CCDC81: variants seen among roughly 807,000 people sequenced by gnomAD.
CCDC81 encodes the protein coiled-coil domain containing 81.
CCDC81 carries 79 observed loss-of-function variants against 83.7 expected under a neutral mutation model. That is an observed-to-expected ratio of 0.94 (90% CI 0.79 to 1.14). The LOEUF is 1.14. CCDC81 is among the 50% of genes most tolerant of loss of function. CCDC81 has a pLI of 0.00. For missense variants in CCDC81, 791 were observed against 778.1 expected, an observed-to-expected ratio of 1.02 and a Z score of -0.20; for synonymous variants, 252 against 278.1, an observed-to-expected ratio of 0.91 and a Z score of 0.93.
intron 3 of CCDC81, among the ~76,000 whole-genome samples, chr11:86,390,547 C>T (rs546346393): frequency 2.0e-5 from 3 of 152,150 alleles, no homozygotes; most frequent in Non-Finnish European, 4.4e-5. Context: ...TAGAAAGATA[C>T]TCTTTCAGTT....
rs766513360 is a variant in CCDC81, at chr11:86,412,424, C to T, written c.1256C>T (p.Ala419Val). The T allele has an allele frequency of 1.4e-5, 23 of 1,612,318 alleles. No individual in the cohort carries two copies. The Admixed American group carries it at 1.7e-4, about 12-fold the overall frequency. Residue 419 changes from alanine (A) to valine (V), a missense_variant, in exon 11 of 15, where the codon GCG becomes GTG. By Grantham distance (64) the Ala-to-Val change is moderately conservative. Coordinates refer to ENST00000445632, the MANE Select transcript of CCDC81 (RefSeq NM_001156474.2). ...TTTGACAAACGGCCACTCAGTCCTG[C>T]GCTTAATGCTCTTAAGCAAGAGGAA... ...FLFDKRPLSP[A>V]LNALKQEEYS...
chr11:86,422,452 A>G (rs1948805556), intron 14 of CCDC81, 122 bp from the exon 15 acceptor site: 1 of 807,798 alleles, frequency 1.2e-6, no homozygotes, highest in Admixed American at 2.3e-5. Flanking sequence ...GAACTGCAGC[A>G]TACAGGCAGA....
chr11:86,377,968 C>CTTGTTTTTTTTTT (rs1948120551), intron 1 of CCDC81, among the ~76,000 whole-genome samples: 1 of 73,348 alleles, frequency 1.4e-5, no homozygotes, highest in East Asian at 5.4e-4. Context: ...TGCCTAGGTT[C>CTTGTTTTTTTTTT]TTTTTTTTTT....
chr11:86,412,084 G>T (rs1245243012), intron 10 of CCDC81, among the ~76,000 whole-genome samples: 1 of 152,054 alleles, frequency 6.6e-6, no homozygotes, highest in Non-Finnish European at 1.5e-5. Context: ...TCATCTCCTT[G>T]GCTACAGCAC....
chr11:86,380,577 G>A (rs928311954), intron 1 of CCDC81, among the ~76,000 whole-genome samples: 1 of 151,680 alleles, frequency 6.6e-6, no homozygotes, highest in African/African-American at 2.4e-5. Flanking sequence ...CCCATTATGG[G>A]TACACACCTT....
intron 13 of CCDC81, among the ~76,000 whole-genome samples, chr11:86,417,736 T>G: frequency 6.6e-6 from 1 of 151,910 alleles, no homozygotes. Flanking sequence ...GTACGGTACA[T>G]CTAATTTTCC....
chr11:86,404,269 G>T (rs949662898), intron 7 of CCDC81, among the ~76,000 whole-genome samples: 2 of 152,132 alleles, frequency 1.3e-5, no homozygotes, highest in Non-Finnish European at 2.9e-5. Context: ...CAATATGGTG[G>T]TCTAAATAAT....
At position 86,418,105 on chromosome 11, in the gene CCDC81, A is replaced by G. The variant is rs117945553; in HGVS notation, c.1692-1823A>G. Among the ~76,000 whole-genome samples the G allele has an allele frequency of 6.6e-5, 10 of 152,324 alleles. No homozygotes were observed. In the East Asian group the frequency reaches 1.5e-3, roughly 23 times the overall value. ...AAAAAATAACATAATAATGGCCAAC[A>G]AGCAAATGAAAAAATGATTAACACC... On this transcript the variant is annotated intron_variant, in intron 13 of 14. Coordinates refer to ENST00000445632, the MANE Select transcript of CCDC81 (RefSeq NM_001156474.2).
At chr11:86,393,921 A>G (rs1025970158) in intron 4 of CCDC81, among the ~76,000 whole-genome samples, 9 of 152,220 alleles carry the variant, frequency 5.9e-5, no homozygotes, top group Non-Finnish European at 1.3e-4. Context: ...TGAAAAGGCT[A>G]TTAATATCAT....
chr11:86,407,007 T>C (rs940378321), intron 7 of CCDC81, among the ~76,000 whole-genome samples: 2 of 150,252 alleles, frequency 1.3e-5, no homozygotes, highest in African/African-American at 4.9e-5. Context: ...TTGCTTGGAA[T>C]GTCTTTTCCA....
chr11:86,398,858 C>A (rs12292316), intron 6 of CCDC81, among the ~76,000 whole-genome samples: 13,355 of 152,232 alleles, frequency 0.088, 1,121 homozygotes, highest in African/African-American at 0.22. Context: ...CAGGTGGGAG[C>A]CACCACACGC....
chr11:86,395,447 C>G (rs746618488), intron 5 of CCDC81, 34 bp downstream of exon 5: 1 of 1,541,254 alleles, frequency 6.5e-7, no homozygotes, highest in South Asian at 1.1e-5. Flanking sequence ...CCTCTAGGCA[C>G]TAGCACTCCT....
chr11:86,417,541 C>A (rs1416228033), intron 13 of CCDC81, among the ~76,000 whole-genome samples: 2 of 151,892 alleles, frequency 1.3e-5, no homozygotes, highest in African/African-American at 4.8e-5. Flanking sequence ...ATATGAGATT[C>A]ATTCTTCTTT....
rs893246572 is a variant in CCDC81 at position 86,405,662 on chromosome 11, A to C, written c.882-1952A>C. Among the ~76,000 whole-genome samples the C allele has an allele frequency of 2.0e-5, 3 of 152,178 alleles. No homozygotes were observed. The East Asian group carries it at 5.8e-4, about 29-fold the overall frequency. On this transcript the variant is annotated intron_variant, in intron 7 of 14. Coordinates refer to ENST00000445632, the MANE Select transcript of CCDC81 (RefSeq NM_001156474.2). ...CCAAACCTGTATTTTTTTTGTCTAG[A>C]ACTTTTGTTCCAATTTGGTTTTAAG...
At chr11:86,391,284 A>C (rs1948325730) in intron 3 of CCDC81, among the ~76,000 whole-genome samples, 1 of 152,240 alleles carries the variant, frequency 6.6e-6, no homozygotes, top group Non-Finnish European at 1.5e-5. Flanking sequence ...AGGCTGATGC[A>C]GTGAAGCTCA....
intron 1 of CCDC81, among the ~76,000 whole-genome samples, chr11:86,383,749 G>A (rs185525888): frequency 3.3e-5 from 5 of 152,248 alleles, no homozygotes; most frequent in South Asian, 2.1e-4. Context: ...GTCAGAAAAC[G>A]TCAAATTTAG....
rs556217019 is a variant in CCDC81 at position 86,419,802 on chromosome 11, A to G, written c.1692-126A>G. 1.0e-5 allele frequency: 9 copies of G among 883,154 alleles called. No individual in the cohort carries two copies. In the South Asian group the frequency reaches 1.9e-4, roughly 19 times the overall value. 54.7% of individuals were successfully genotyped at this position (883,154 alleles called of 1,614,324 possible). ...TGCTTTTACAGTGTTCATGCTTTTT[A>G]GTATATTTCAGAGTAGTGAACAAAA... is the stretch of plus-strand genomic sequence containing the variant. On this transcript the variant is annotated intron_variant, in intron 13 of 14. Coordinates refer to ENST00000445632, the MANE Select transcript of CCDC81 (RefSeq NM_001156474.2).
rs992767498 is a variant in CCDC81 at position 86,382,489 on chromosome 11, C to A, written c.80-3562C>A. ...TGGTGCCATTCACTGAGACCGAAAT[C>A]CTGGATAAAAGACAAGATTTAAGAG... On this transcript the variant is annotated intron_variant, in intron 1 of 14. Coordinates refer to ENST00000445632, the MANE Select transcript of CCDC81 (RefSeq NM_001156474.2). Among the ~76,000 whole-genome samples the A allele has an allele frequency of 3.9e-5, 6 of 152,154 alleles. No individual in the cohort carries two copies. The East Asian group carries it at 1.2e-3, about 29-fold the overall frequency.
rs1227403210 is a variant in CCDC81 at position 86,386,037 on chromosome 11, C to T, written c.80-14C>T. ...ATATAAATTGAATAATTTCTGGTTACTTTTGAATTTCAGAAGTCTCTATTA... is the reference window on the plus strand; with the variant it reads ...ATATAAATTGAATAATTTCTGGTTATTTTTGAATTTCAGAAGTCTCTATTA... On this transcript the variant is annotated splice_polypyrimidine_tract_variant and intron_variant, in intron 1 of 14. Transcript: ENST00000445632. 2 of 1,469,566 alleles carry T rather than the reference C, an allele frequency of 1.4e-6. No homozygotes were observed. The highest frequency in any genetic ancestry group is 1.2e-5 in the South Asian group (1 of 81,638). The allele number at this position is 1,469,566 out of a possible 1,614,324, so 91.0% of individuals were successfully genotyped here.
Sources: gnomAD v4.1 joint callset for allele counts (sites outside exome capture counted in the v4.1 genomes callset) on GRCh38, gnomAD v4.1.1 for gene constraint, MANE v1.5 for transcripts, NCBI Gene and HGNC (gene_info 2026-07-23, HGNC 2026-07-21) for gene names.